PTPN12: variants seen among roughly 807,000 people sequenced by gnomAD.
PTPN12 encodes protein tyrosine phosphatase non-receptor type 12.
In PTPN12, 29 loss-of-function variants were observed where a neutral mutation model predicts 97.6. The observed-to-expected ratio is 0.30, with a 90% CI of 0.22 to 0.41. PTPN12 has a LOEUF of 0.41. PTPN12 is among the 10% of genes least tolerant of loss of function. The probability of loss-of-function intolerance (pLI) is 1.00; values close to 1 mark genes in which losing one functional copy is unlikely to be tolerated. For synonymous variants in PTPN12, 327 were observed against 300.4 expected, an observed-to-expected ratio of 1.09 and a Z score of -0.91; for missense variants, 819 against 926.0, an observed-to-expected ratio of 0.88 and a Z score of 1.50.
At chr7:77,556,056 TTTGTTTGTTTG>T (rs1807697159) in intron 1 of PTPN12, among the ~76,000 whole-genome samples, 1 of 18,010 alleles carries the variant, frequency 5.6e-5, no homozygotes, top group Non-Finnish European at 8.3e-5. Context: ...AGGGTGTTTG[TTTGTTTGTTTG>T]TTTGTTTGTG....
intron 17 of PTPN12, 41 bp downstream of exon 17, chr7:77,638,772 C>G (rs751836804): frequency 1.3e-6 from 2 of 1,561,706 alleles, no homozygotes; most frequent in South Asian, 1.2e-5. Context: ...GTAGTTAACA[C>G]TGGCAGGAAT....
At chr7:77,629,011 G>C (rs12530539) in intron 13 of PTPN12, among the ~76,000 whole-genome samples, 2,792 of 152,222 alleles carry the variant, frequency 0.018, 34 homozygotes, top group Middle Eastern at 0.072. Context: ...GTGCAGTGGC[G>C]CAATCTTGGC....
intron 11 of PTPN12, among the ~76,000 whole-genome samples, chr7:77,612,780 T>C (rs949916338): frequency 6.6e-6 from 1 of 150,850 alleles, no homozygotes; most frequent in Non-Finnish European, 1.5e-5. Flanking sequence ...GTTTTTTTTG[T>C]TTTTTGGTTT....
chr7:77,563,614 G>A (rs946496954), intron 1 of PTPN12, among the ~76,000 whole-genome samples: 1 of 152,126 alleles, frequency 6.6e-6, no homozygotes, highest in Non-Finnish European at 1.5e-5. Flanking sequence ...CATGAGCAAA[G>A]CACAGAATCA....
intron 8 of PTPN12, among the ~76,000 whole-genome samples, chr7:77,601,431 G>A (rs919664422): frequency 3.3e-5 from 5 of 152,036 alleles, no homozygotes; most frequent in African/African-American, 7.2e-5. Context: ...CCGAACTCCT[G>A]TCCTCAAGTG....
intron 1 of PTPN12, among the ~76,000 whole-genome samples, chr7:77,545,135 C>A (rs959169146): frequency 9.2e-5 from 14 of 152,176 alleles, no homozygotes; most frequent in African/African-American, 3.4e-4. Flanking sequence ...AATAAAATGT[C>A]TTTTAAACTT....
intron 2 of PTPN12, among the ~76,000 whole-genome samples, chr7:77,580,987 G>T (rs890101930): frequency 6.6e-6 from 1 of 152,156 alleles, no homozygotes; most frequent in Non-Finnish European, 1.5e-5. Context: ...TTCCAGAGAT[G>T]ATTCTTATTG....
chr7:77,607,356 CTT>C (rs1788408050), intron 9 of PTPN12, 55 bp downstream of exon 9: 2 of 1,277,778 alleles, frequency 1.6e-6, no homozygotes, highest in African/African-American at 1.5e-5. Context: ...GATTTTCAAA[CTT>C]AATTATAATT....
In PTPN12 at chr7:77,610,849, T is replaced by A. The variant is rs189190032; in HGVS notation, c.840+7T>A. ...TTCTGCAGTACAAACAAAGGTATAG[T>A]TGTTTGTTTCCCTTTATAAACTGCT... On this transcript the variant is annotated splice_region_variant and intron_variant, in intron 10 of 17. Transcript: ENST00000248594. 1.6e-5 allele frequency: 26 copies of A among 1,599,538 alleles called. No homozygotes were observed. In the African/African-American group the frequency reaches 3.5e-4, roughly 22 times the overall value.
chr7:77,603,958 AG>A (rs1411893257), intron 8 of PTPN12, among the ~76,000 whole-genome samples: 1 of 129,510 alleles, frequency 7.7e-6, no homozygotes, highest in Non-Finnish European at 1.5e-5. Context: ...GCACGATCTC[AG>A]CTCACTGCAA....
At chr7:77,580,344 G>GTTT (rs1295954852) in intron 2 of PTPN12, among the ~76,000 whole-genome samples, 42 of 152,252 alleles carry the variant, frequency 2.8e-4, no homozygotes, top group Middle Eastern at 3.4e-3. Context: ...TAAAATAATA[G>GTTT]TAAAAATAAT....
chr7:77,590,559 C>CTTT (rs539493706), intron 5 of PTPN12, among the ~76,000 whole-genome samples: 9 of 141,784 alleles, frequency 6.3e-5, no homozygotes, highest in South Asian at 2.2e-4. Context: ...TTTTTTAAAT[C>CTTT]TTTTTTTTTT....
At chr7:77,605,426 T>C (rs1372145337) in intron 8 of PTPN12, among the ~76,000 whole-genome samples, 1 of 137,082 alleles carries the variant, frequency 7.3e-6, no homozygotes, top group East Asian at 2.1e-4. Flanking sequence ...TTTTTTTTTT[T>C]TTTTTTTTTT....
intron 3 of PTPN12, 102 bp from the exon 4 acceptor site, chr7:77,583,453 A>G: frequency 1.3e-6 from 1 of 742,332 alleles, no homozygotes; most frequent in Non-Finnish European, 2.2e-6. Context: ...GTTTAAGTTA[A>G]AACAACAATA....
At chr7:77,620,602 A>C (rs79824851) in intron 12 of PTPN12, among the ~76,000 whole-genome samples, 3 of 152,228 alleles carry the variant, frequency 2.0e-5, no homozygotes, top group African/African-American at 7.2e-5. Flanking sequence ...CAAGTAAAAT[A>C]GTATATTTTG....
intron 7 of PTPN12, among the ~76,000 whole-genome samples, chr7:77,598,929 A>G (rs1939975061): frequency 6.6e-6 from 1 of 151,052 alleles, no homozygotes; most frequent in South Asian, 2.1e-4. Flanking sequence ...TGTCTTTGCA[A>G]ACTAATCAAC....
chr7:77,564,599 G>C (rs1277332958), intron 1 of PTPN12, among the ~76,000 whole-genome samples: 1 of 151,870 alleles, frequency 6.6e-6, no homozygotes, highest in East Asian at 1.9e-4. Flanking sequence ...TTTTGCCACA[G>C]TATAACTCTT....
At chr7:77,575,434 G>A (rs149124493) in intron 2 of PTPN12, among the ~76,000 whole-genome samples, 1,548 of 152,274 alleles carry the variant, frequency 0.01, 33 homozygotes, top group African/African-American at 0.036. Flanking sequence ...CTTGAGACCA[G>A]GAGGTCAAGG....
At chr7:77,625,747 A>G (rs1454221815) in intron 12 of PTPN12, among the ~76,000 whole-genome samples, 1 of 150,456 alleles carries the variant, frequency 6.6e-6, no homozygotes, top group Non-Finnish European at 1.5e-5. Context: ...TTTTTGTATT[A>G]TTAGTAGAGA....
Sources: gnomAD v4.1 joint callset for allele counts (sites outside exome capture counted in the v4.1 genomes callset) on GRCh38, gnomAD v4.1.1 for gene constraint, MANE v1.5 for transcripts, NCBI Gene and HGNC (gene_info 2026-07-23, HGNC 2026-07-21) for gene names.